Variants in HHIPL1 observed in about 807,000 individuals in gnomAD.
HHIPL1 encodes the protein HHIP like 1.
HHIPL1 carries 43 observed loss-of-function variants against 61.8 expected under a neutral mutation model. That is an observed-to-expected ratio of 0.70 (90% confidence interval 0.55 to 0.90). The LOEUF (loss-of-function observed/expected upper bound fraction) is 0.90, where lower values mean the gene tolerates loss of function less well. HHIPL1 is among the 40% of genes least tolerant of loss of function. HHIPL1 has a pLI of 0.00. For synonymous variants in HHIPL1, 482 were observed against 515.8 expected, an observed-to-expected ratio of 0.93 and a Z score of 0.89; for missense variants, 1,056 against 1,157.7, an observed-to-expected ratio of 0.91 and a Z score of 1.28.
chr14:99,652,266 C>T lies in HHIPL1; in HGVS notation c.298C>T (p.Pro100Ser). ...AGCCCACCTCTATGACGCCGAGGAC[C>T]CATTCACGCCCCTGCGCACGGTGCC... Reference protein sequence around the residue: ...YAAHLYDAEDPFTPLRTVPGL... With the variant: ...YAAHLYDAEDSFTPLRTVPGL... Residue 100 changes from proline (P) to serine (S), a missense_variant, in exon 2 of 9, where the codon CCA (proline) becomes TCA (serine). Coordinates refer to ENST00000330710, the MANE Select transcript of HHIPL1 (RefSeq NM_001127258.3). 1 of 1,612,746 alleles carries T rather than the reference C, an allele frequency of 6.2e-7. No individual in the cohort carries two copies. Among genetic ancestry groups the T allele is most frequent in the Non-Finnish European group, 8.5e-7 (1 of 1,179,350 alleles).
chr14:99,653,511 T>C (rs1477835914), intron 2 of HHIPL1, among the ~76,000 whole-genome samples: 1 of 152,096 alleles, frequency 6.6e-6, no homozygotes, highest in Non-Finnish European at 1.5e-5. Flanking sequence ...TTTTTGTATT[T>C]CAGTGGAGAC....
chr14:99,674,412 C>A (rs527872791), intron 8 of HHIPL1, among the ~76,000 whole-genome samples: 1 of 152,046 alleles, frequency 6.6e-6, no homozygotes. Flanking sequence ...CCGACTGCAC[C>A]CAGGCTCTGT....
chr14:99,637,074 GA>G, the HHIPL1 span, among the ~76,000 whole-genome samples: 27 of 83,344 alleles, frequency 3.2e-4, 1 homozygote, highest in East Asian at 0.01. Context: ...AAGAAAGAAA[GA>G]GAGAGAAAGA....
At chr14:99,621,722 T>C in the HHIPL1 span, among the ~76,000 whole-genome samples, 1 of 136,688 alleles carries the variant, frequency 7.3e-6, no homozygotes, top group African/African-American at 2.7e-5. Flanking sequence ...TTTTTTTTTT[T>C]TTTTTTTTTT....
At chr14:99,611,368 A>T in the HHIPL1 span, among the ~76,000 whole-genome samples, 1 of 148,464 alleles carries the variant, frequency 6.7e-6, no homozygotes, top group South Asian at 2.1e-4. Context: ...ATCTCGGCTC[A>T]CTGCAACCTC....
the HHIPL1 span, among the ~76,000 whole-genome samples, chr14:99,606,109 G>A: frequency 2.6e-5 from 4 of 152,148 alleles, no homozygotes; most frequent in African/African-American, 7.2e-5. Context: ...CCACCCGTTC[G>A]CCACTCTCTC....
chr14:99,626,140 A>G, the HHIPL1 span, among the ~76,000 whole-genome samples: 1 of 151,936 alleles, frequency 6.6e-6, no homozygotes, highest in Non-Finnish European at 1.5e-5. Context: ...GTGGCCTCTC[A>G]TGATGTAGTC....
Position 99,675,865 on chromosome 14 carries a change from G to T in HHIPL1, c.*239G>T, listed in dbSNP as rs2056386457. 9.5e-6 allele frequency: 4 copies of T among 422,864 alleles called. No individual in the cohort carries two copies. The highest frequency in any genetic ancestry group is 1.7e-5 in the Non-Finnish European group (4 of 241,656). The allele number at this position is 422,864 out of a possible 1,614,324, so 26.2% of individuals were successfully genotyped here. ...AGTGCATGGTCCATCATGGGCGGGA[G>T]GAGTTCCTTTCTTACCTCCAAGCGT... On this transcript the variant is annotated 3_prime_UTR_variant, in exon 9 of 9. Coordinates refer to ENST00000330710, the MANE Select transcript of HHIPL1 (RefSeq NM_001127258.3). The surrounding 1 kb of genome is among the most constrained non-coding windows in gnomAD (Gnocchi z 5.4).
chr14:99,674,935 G>A (rs2140097758), intron 8 of HHIPL1, among the ~76,000 whole-genome samples, 156 bp from the exon 9 acceptor site: 1 of 152,240 alleles, frequency 6.6e-6, no homozygotes, highest in Admixed American at 6.5e-5. Context: ...GAGCGCAGGC[G>A]GCATCCCGTC....
chr14:99,617,872 A>T, the HHIPL1 span, among the ~76,000 whole-genome samples: 2 of 152,190 alleles, frequency 1.3e-5, no homozygotes, highest in Non-Finnish European at 2.9e-5. Flanking sequence ...CAAGCCTGCA[A>T]GGTGGGCAGG....
chr14:99,630,358 G>A, the HHIPL1 span, among the ~76,000 whole-genome samples: 1 of 152,154 alleles, frequency 6.6e-6, no homozygotes, highest in Non-Finnish European at 1.5e-5. Flanking sequence ...ATCTGACTCC[G>A]CCTCCTCTGT....
At chr14:99,618,039 G>A in the HHIPL1 span, among the ~76,000 whole-genome samples, 2 of 152,318 alleles carry the variant, frequency 1.3e-5, no homozygotes, top group African/African-American at 2.4e-5. Context: ...TTCAGAGCAG[G>A]GAGGCACCTT....
chr14:99,642,367 G>T (rs551845142), upstream of HHIPL1, among the ~76,000 whole-genome samples: 1 of 152,152 alleles, frequency 6.6e-6, no homozygotes, highest in East Asian at 1.9e-4. Context: ...TCTAGTGTTT[G>T]TTTTTGTAAC....
At chr14:99,656,168 A>G (rs2056024153) in intron 2 of HHIPL1, among the ~76,000 whole-genome samples, 1 of 152,336 alleles carries the variant, frequency 6.6e-6, no homozygotes, top group South Asian at 2.1e-4. Context: ...AACATAAGTA[A>G]CTAGTGTGTG....
the HHIPL1 span, among the ~76,000 whole-genome samples, chr14:99,616,287 T>C: frequency 0.15 from 22,695 of 152,264 alleles, 2,169 homozygotes; most frequent in African/African-American, 0.27. Context: ...CCATCTAGCA[T>C]TGTATGCTCC....
intron 6 of HHIPL1, among the ~76,000 whole-genome samples, chr14:99,666,596 C>T (rs2056249838): frequency 6.6e-6 from 1 of 152,224 alleles, no homozygotes; most frequent in African/African-American, 2.4e-5. Context: ...CCAGATGAAC[C>T]AGGGAGTTCC....
intron 3 of HHIPL1, among the ~76,000 whole-genome samples, chr14:99,657,692 C>G (rs1418527667): frequency 6.6e-6 from 1 of 152,082 alleles, no homozygotes; most frequent in African/African-American, 2.4e-5. Context: ...CACACACACA[C>G]ATACACAAAT....
chr14:99,643,055 T>C (rs1371426656), upstream of HHIPL1, among the ~76,000 whole-genome samples: 1 of 152,034 alleles, frequency 6.6e-6, no homozygotes, highest in Non-Finnish European at 1.5e-5. Context: ...TTTTTTTCTT[T>C]TTTGAGACAG....
At chr14:99,654,879 T>G (rs1310387721) in intron 2 of HHIPL1, among the ~76,000 whole-genome samples, 2 of 152,196 alleles carry the variant, frequency 1.3e-5, no homozygotes, top group Non-Finnish European at 2.9e-5. Context: ...AGGGACAGAA[T>G]GGATGTGTCT....
Sources: gnomAD v4.1 joint callset for allele counts (sites outside exome capture counted in the v4.1 genomes callset) on GRCh38, gnomAD v4.1.1 for gene constraint, Gnocchi (gnomAD v3.1) non-coding constraint, MANE v1.5 for transcripts, NCBI Gene and HGNC (gene_info 2026-07-23, HGNC 2026-07-21) for gene names.